Variants in HSD11B1 observed in about 807,000 individuals in gnomAD.
HSD11B1 encodes the protein hydroxysteroid 11-beta dehydrogenase 1.
In HSD11B1, 15 loss-of-function variants were observed where a neutral mutation model predicts 22.1. That is an observed-to-expected ratio of 0.68 (90% confidence interval 0.45 to 1.04). HSD11B1 has a LOEUF of 1.04. Ranked by LOEUF, HSD11B1 falls within the 50% of genes least tolerant of loss-of-function variation. The pLI is 0.00. For missense variants in HSD11B1, 281 were observed against 357.6 expected, an observed-to-expected ratio of 0.79 and a Z score of 1.73; for synonymous variants, 122 against 125.2, an observed-to-expected ratio of 0.97 and a Z score of 0.17.
At chr1:209,697,914 T>TTTTTTTTTTG (rs2076801596) in intron 1 of HSD11B1, among the ~76,000 whole-genome samples, 1 of 140,730 alleles carries the variant, frequency 7.1e-6, no homozygotes, top group Non-Finnish European at 1.5e-5. Flanking sequence ...TTTTTTTTTT[T>TTTTTTTTTTG]GAGATGAGGG....
chr1:209,724,429 ATGTT>A (rs2076987445), intron 4 of HSD11B1, among the ~76,000 whole-genome samples: 1 of 151,794 alleles, frequency 6.6e-6, no homozygotes, highest in African/African-American at 2.4e-5. Flanking sequence ...TTTCCTTGGG[ATGTT>A]TGTTTGTGTT....
At chr1:209,688,337 G>T (rs2076740007) in intron 1 of HSD11B1, among the ~76,000 whole-genome samples, 1 of 152,042 alleles carries the variant, frequency 6.6e-6, no homozygotes, top group African/African-American at 2.4e-5. Flanking sequence ...TGCTGCCATG[G>T]CCTGTCCCTT....
At chr1:209,709,429 T>A (rs1341987258) in intron 4 of HSD11B1, among the ~76,000 whole-genome samples, 19 of 152,232 alleles carry the variant, frequency 1.2e-4, no homozygotes, top group Admixed American at 1.2e-3. Flanking sequence ...TAACATCCCG[T>A]TACATTGATT....
intron 4 of HSD11B1, among the ~76,000 whole-genome samples, chr1:209,719,920 G>A (rs751174981): frequency 6.6e-6 from 1 of 152,166 alleles, no homozygotes; most frequent in African/African-American, 2.4e-5. Flanking sequence ...ACCCAGTAAT[G>A]GGATTGCTGG....
At chr1:209,708,216 T>A (rs1042899655) in intron 4 of HSD11B1, among the ~76,000 whole-genome samples, 1 of 152,162 alleles carries the variant, frequency 6.6e-6, no homozygotes. Context: ...TCTTTGTTGA[T>A]TAGTCAGTTA....
intron 1 of HSD11B1, among the ~76,000 whole-genome samples, chr1:209,688,108 T>C (rs1359837878): frequency 6.6e-6 from 1 of 152,230 alleles, no homozygotes; most frequent in African/African-American, 2.4e-5. Context: ...ACATGGCTAG[T>C]TCAGTGACTG....
upstream of HSD11B1, chr1:209,704,830 C>A: frequency 1.3e-6 from 1 of 798,128 alleles, no homozygotes; most frequent in Non-Finnish European, 2.2e-6. Flanking sequence ...CTCCAGCCTC[C>A]CCCGTCCCTG....
At chr1:209,695,147 C>T (rs929835757) in intron 1 of HSD11B1, among the ~76,000 whole-genome samples, 23 of 152,240 alleles carry the variant, frequency 1.5e-4, no homozygotes, top group African/African-American at 5.5e-4. Context: ...ATGTGCCTTG[C>T]TTCCCCTTAG....
chr1:209,705,712 A>G (rs1571871919), intron 1 of HSD11B1, 99 bp from the exon 2 acceptor site: 1 of 1,451,282 alleles, frequency 6.9e-7, no homozygotes, highest in East Asian at 2.3e-5. Context: ...CATAACCTTT[A>G]AGTTACAAAT....
intron 4 of HSD11B1, among the ~76,000 whole-genome samples, chr1:209,726,275 G>A (rs1297599007): frequency 3.4e-4 from 4 of 11,798 alleles, no homozygotes; most frequent in Admixed American, 1.6e-3. Context: ...ATGAGACTCC[G>A]TAAAAAAAAA....
upstream of HSD11B1, among the ~76,000 whole-genome samples, chr1:209,703,047 A>G (rs2076834545): frequency 6.6e-6 from 1 of 152,180 alleles, no homozygotes; most frequent in South Asian, 2.1e-4. Flanking sequence ...TTTTTAATGG[A>G]GCCAACAATC....
chr1:209,727,697 A>G (rs993219151), intron 4 of HSD11B1, among the ~76,000 whole-genome samples: 1 of 152,192 alleles, frequency 6.6e-6, no homozygotes, highest in Non-Finnish European at 1.5e-5. Flanking sequence ...ATTAACCTTG[A>G]AACTTTGAGC....
rs773755029 is a variant in HSD11B1, at chr1:209,705,954, T to C, written c.219+13T>C. ...AACTCTACAGAAGGTGAGGGTTCTA[T>C]GCTCGCAGATATGTGTACCGTCACA... On this transcript the variant is annotated intron_variant, in intron 2 of 5. Transcript: ENST00000367027. 6.2e-7 allele frequency: 1 copy of C among 1,613,704 alleles called. No homozygotes were observed. Among genetic ancestry groups the C allele is most frequent in the South Asian group, 1.1e-5 (1 of 91,082 alleles).
chr1:209,725,908 A>C (rs1043425993), intron 4 of HSD11B1, among the ~76,000 whole-genome samples: 2 of 152,224 alleles, frequency 1.3e-5, no homozygotes, highest in Non-Finnish European at 1.5e-5. Flanking sequence ...AATCTGAGAG[A>C]TGTCAACAAC....
At chr1:209,732,679 A>G in intron 5 of HSD11B1, 100 bp downstream of exon 5, 1 of 990,682 alleles carries the variant, frequency 1.0e-6, no homozygotes, top group Admixed American at 1.7e-5. Flanking sequence ...TGCATGTGCC[A>G]TGTTGGTGTG....
rs564577650 is a variant in HSD11B1, at chr1:209,710,384, G to A, written c.517+3256G>A. ...GCTTTATGCCCCTGAGAGGAATCAC[G>A]GACAAACCCTGTCTTCCTCTGCTCC... On this transcript the variant is annotated intron_variant, in intron 4 of 5. Transcript: ENST00000367027. Among the ~76,000 whole-genome samples the A allele has an allele frequency of 1.9e-4, 29 of 152,230 alleles. 1 individual carries two copies. The South Asian group carries it at 5.2e-3, about 27-fold the overall frequency.
At chr1:209,690,595 G>A (rs2076753970) in intron 1 of HSD11B1, among the ~76,000 whole-genome samples, 1 of 152,068 alleles carries the variant, frequency 6.6e-6, no homozygotes, top group Non-Finnish European at 1.5e-5. Context: ...TACTCAGGAG[G>A]CTGAGGCAGG....
At position 209,706,312 on chromosome 1, in the gene HSD11B1, C is replaced by A. The variant is rs370936820; in HGVS notation, c.219+371C>A. 6.6e-6 allele frequency among the ~76,000 whole-genome samples: 1 copy of A among 152,178 alleles called. No individual in the cohort carries two copies. Among genetic ancestry groups the A allele is most frequent in the South Asian group, 2.1e-4 (1 of 4,836 alleles). On this transcript the variant is annotated intron_variant, in intron 2 of 5. Coordinates refer to ENST00000367027, the MANE Select transcript of HSD11B1 (RefSeq NM_005525.4). The surrounding 1 kb of genome is among the most constrained non-coding windows in gnomAD (Gnocchi z 4.0). ...GCTTATGAATACATATCCTCATACC[C>A]ATGCAGACTCCCAGACACATGCCCT...
intron 4 of HSD11B1, among the ~76,000 whole-genome samples, chr1:209,719,562 A>C (rs926493424): frequency 6.6e-6 from 1 of 152,156 alleles, no homozygotes; most frequent in Non-Finnish European, 1.5e-5. Context: ...GTCCGCTTAA[A>C]AATGGTTAAG....
Sources: allele counts gnomAD v4.1 joint callset (sites outside exome capture counted in the v4.1 genomes callset), GRCh38; gene constraint gnomAD v4.1.1; non-coding constraint Gnocchi (gnomAD v3.1); transcripts MANE v1.5; gene names NCBI Gene and HGNC (gene_info 2026-07-23, HGNC 2026-07-21).